GTF2H1: variants seen among roughly 807,000 people sequenced by gnomAD.
The protein encoded by GTF2H1 is BTF2 p62.
In GTF2H1, 16 loss-of-function variants were observed where a neutral mutation model predicts 71.2. The ratio of observed to expected loss-of-function variants is 0.22; its 90% confidence interval spans 0.15 to 0.34. GTF2H1 has a LOEUF of 0.34. Among genes scored for constraint, GTF2H1 ranks in the 10% least tolerant of loss-of-function variants. The pLI is 1.00. For missense variants in GTF2H1, 498 were observed against 648.2 expected, an observed-to-expected ratio of 0.77 and a Z score of 2.52; for synonymous variants, 215 against 219.0, an observed-to-expected ratio of 0.98 and a Z score of 0.16.
chr11:18,346,212 T>C (rs1353171592), intron 7 of GTF2H1, among the ~76,000 whole-genome samples: 1 of 152,172 alleles, frequency 6.6e-6, no homozygotes, highest in Non-Finnish European at 1.5e-5. Context: ...CTGCTTTGCT[T>C]GTGTTTTGTT....
chr11:18,330,556 G>A (rs1590181185), intron 1 of GTF2H1, among the ~76,000 whole-genome samples: 1 of 152,162 alleles, frequency 6.6e-6, no homozygotes, highest in Non-Finnish European at 1.5e-5. Context: ...GGTGATAAGT[G>A]GGGCACAGGA....
At chr11:18,362,527 T>C (rs4150677) in intron 14 of GTF2H1, among the ~76,000 whole-genome samples, 2,090 of 152,240 alleles carry the variant, frequency 0.014, 27 homozygotes, top group Middle Eastern at 0.034. Context: ...TTTCATTCTT[T>C]GGAATAACAC....
chr11:18,362,630 T>C (rs565987871), intron 14 of GTF2H1, among the ~76,000 whole-genome samples: 3 of 151,014 alleles, frequency 2.0e-5, no homozygotes, highest in South Asian at 4.2e-4. Context: ...TCTCTCTCTC[T>C]CCCTCTCTCC....
chr11:18,337,437 T>C (rs1865054928), intron 3 of GTF2H1, among the ~76,000 whole-genome samples: 1 of 151,750 alleles, frequency 6.6e-6, no homozygotes, highest in Non-Finnish European at 1.5e-5. Context: ...AGAGCGAGAC[T>C]CCATCTCAAA....
intron 7 of GTF2H1, among the ~76,000 whole-genome samples, chr11:18,344,631 A>T (rs1208362693): frequency 6.6e-5 from 10 of 151,916 alleles, no homozygotes; most frequent in Non-Finnish European, 1.3e-4. Flanking sequence ...AAAAAAAAAA[A>T]AAAAAGGATT....
Position 18,335,865 on chromosome 11 carries a change from G to A in GTF2H1, c.266G>A (p.Arg89Gln), listed in dbSNP as rs1245091498. 6 of 1,614,056 alleles carry A rather than the reference G, an allele frequency of 3.7e-6. No homozygotes were observed. Among genetic ancestry groups the A allele is most frequent in the Non-Finnish European group, 5.1e-6 (6 of 1,179,920 alleles). Residue 89 changes from arginine (R) to glutamine (Q), a missense_variant, in exon 3 of 15, where the codon CGA becomes CAA. Physicochemically the swap from Arg to Gln is conservative, Grantham distance 43. Transcript: ENST00000265963. ...AATGAAAGCACAGCAGTGAAAGAGC[G>A]AGATGCAGTAAAAGACCTTCTTCAG... ...FSNESTAVKE[R>Q]DAVKDLLQQL... is the part of the protein sequence containing the mutation.
chr11:18,358,713 T>G, intron 13 of GTF2H1, 73 bp downstream of exon 13: 1 of 852,346 alleles, frequency 1.2e-6, no homozygotes. Context: ...TTGGAAAGTT[T>G]TATTGAGTCT....
chr11:18,342,553 C>T (rs1014694322), intron 7 of GTF2H1, among the ~76,000 whole-genome samples: 11 of 152,178 alleles, frequency 7.2e-5, no homozygotes, highest in Middle Eastern at 3.4e-3. Flanking sequence ...TGAGCCACCA[C>T]GCCCAGCCAG....
At position 18,358,698 on chromosome 11, in the gene GTF2H1, T is replaced by A. The variant is rs1458538379; in HGVS notation, c.1467+58T>A. 9 of 1,064,004 alleles carry A rather than the reference T, an allele frequency of 8.5e-6. No individual in the cohort carries two copies. The Middle Eastern group carries it at 1.8e-3, about 216-fold the overall frequency. 65.9% of individuals were successfully genotyped at this position (1,064,004 alleles called of 1,614,324 possible). On this transcript the variant is annotated intron_variant, in intron 13 of 14. Transcript: ENST00000265963. ...TGTGGTAGTGACTTACAAGAAGTTT[T>A]GAAATTGGAAAGTTTTATTGAGTCT...
chr11:18,361,791 A>G (rs1007502345), intron 14 of GTF2H1, among the ~76,000 whole-genome samples: 1 of 152,248 alleles, frequency 6.6e-6, no homozygotes, highest in Non-Finnish European at 1.5e-5. Context: ...GCCACTACTC[A>G]TAGTAAGCAA....
intron 12 of GTF2H1, 134 bp downstream of exon 12, chr11:18,358,176 A>G (rs1281896145): frequency 7.6e-6 from 5 of 656,476 alleles, no homozygotes; most frequent in Middle Eastern, 5.0e-4. Context: ...TTGTTTTTAT[A>G]CATTCAGATT....
At chr11:18,333,400 A>T in intron 2 of GTF2H1, 172 bp downstream of exon 2, 1 of 493,386 alleles carries the variant, frequency 2.0e-6, no homozygotes, top group Admixed American at 3.7e-5. Context: ...TTCACTTAAT[A>T]ACAGAACAGG....
chr11:18,356,860 G>A (rs1195884235), intron 11 of GTF2H1, among the ~76,000 whole-genome samples: 2 of 146,150 alleles, frequency 1.4e-5, no homozygotes, highest in African/African-American at 5.1e-5. Flanking sequence ...CACCATCTCA[G>A]CTCACTGCAG....
intron 14 of GTF2H1, among the ~76,000 whole-genome samples, chr11:18,361,762 C>T (rs4150671): frequency 1.9e-3 from 287 of 152,244 alleles, no homozygotes; most frequent in South Asian, 6.2e-3. Flanking sequence ...AACCTAGCAG[C>T]GTAAGGAAAG....
chr11:18,332,477 A>G (rs750443268), intron 1 of GTF2H1, among the ~76,000 whole-genome samples: 2 of 152,230 alleles, frequency 1.3e-5, no homozygotes, highest in East Asian at 3.8e-4. Flanking sequence ...CCAATGAATC[A>G]TGGCCAAGAC....
At position 18,366,134 on chromosome 11, in the gene GTF2H1, T is replaced by G. The variant is rs1865818929; in HGVS notation, c.*265T>G. ...ATATATATACACACACACACATATATGTACATGTGTATGTACATATATATT... is the reference window on the plus strand; with the variant it reads ...ATATATATACACACACACACATATAGGTACATGTGTATGTACATATATATT... On this transcript the variant is annotated 3_prime_UTR_variant, in exon 15 of 15. Coordinates refer to ENST00000265963, the MANE Select transcript of GTF2H1 (RefSeq NM_005316.4). 1.4e-5 allele frequency: 6 copies of G among 439,102 alleles called. No individual in the cohort carries two copies. The highest frequency in any genetic ancestry group is 2.5e-5 in the Non-Finnish European group (6 of 244,534). 27.2% of individuals were successfully genotyped at this position (439,102 alleles called of 1,614,324 possible). A position where few individuals can be genotyped will look rare whatever the true frequency, so the allele number is the denominator to read the frequency against.
chr11:18,365,761 A>C (rs760870687), intron 14 of GTF2H1, 22 bp from the exon 15 acceptor site: 2 of 1,560,630 alleles, frequency 1.3e-6, no homozygotes, highest in South Asian at 2.2e-5. Context: ...CCAGTTGTTA[A>C]GTGTCTTGCT....
chr11:18,362,668 C>CTTTTT (rs35306497), intron 14 of GTF2H1, among the ~76,000 whole-genome samples: 27 of 107,898 alleles, frequency 2.5e-4, no homozygotes, highest in African/African-American at 5.9e-4. Context: ...TTTTCTTTTT[C>CTTTTT]TTTTTTTTTT....
rs773302048 is a variant in GTF2H1 at position 18,358,041 on chromosome 11, C to G, written c.1350C>G (p.Asn450Lys). The change falls in exon 12 of 15, where the codon AAC (asparagine) becomes AAG (lysine). Residue 450 changes from asparagine (N) to lysine (K), a missense_variant and splice_region_variant. Physicochemically the swap from Asn to Lys is moderately conservative, Grantham distance 94 (BLOSUM62 0). This residue lies in a region of GTF2H1 where 266 missense variants were observed against 301.6 expected (regional missense o/e 0.88). Transcript: ENST00000265963. ...AGGGAGGAACACAGCAAGCCATAAA[C>G]CGTATGTGCCGGGCCATCTTCTACT... ...LMQGGTQQAINQMVPNDIQSE... is the reference protein window; with the variant it reads ...LMQGGTQQAIKQMVPNDIQSE... 1 of 1,606,248 alleles carries G rather than the reference C, an allele frequency of 6.2e-7. No homozygotes were observed. The highest frequency in any genetic ancestry group is 8.5e-7 in the Non-Finnish European group (1 of 1,172,840).
Sources: gnomAD v4.1 joint callset for allele counts (sites outside exome capture counted in the v4.1 genomes callset) on GRCh38, gnomAD v4.1.1 for gene constraint, gnomAD v4.1.1 regional missense constraint, MANE v1.5 for transcripts, NCBI Gene and HGNC (gene_info 2026-07-23, HGNC 2026-07-21) for gene names.